The following ADGRF5 variants were observed in gnomAD, a reference collection of about 807,000 sequenced individuals.
ADGRF5 encodes the protein G-protein coupled receptor 116.
ADGRF5 carries 75 observed loss-of-function variants against 132.3 expected under a neutral mutation model. That is an observed-to-expected ratio of 0.57 (90% CI 0.47 to 0.69). The LOEUF is 0.69. Ranked by LOEUF, ADGRF5 falls within the 30% of genes least tolerant of loss-of-function variation. The pLI is 0.00. For missense variants in ADGRF5, 1,516 were observed against 1,630.6 expected, an observed-to-expected ratio of 0.93 and a Z score of 1.21; for synonymous variants, 629 against 597.6, an observed-to-expected ratio of 1.05 and a Z score of -0.77.
At chr6:46,879,052 T>C (rs1772148015) in intron 9 of ADGRF5, among the ~76,000 whole-genome samples, 2 of 152,174 alleles carry the variant, frequency 1.3e-5, no homozygotes, top group African/African-American at 4.8e-5. Flanking sequence ...ATTGTAGTAA[T>C]GATTTCACAG....
intron 1 of ADGRF5, among the ~76,000 whole-genome samples, chr6:46,915,240 G>C (rs1263147298): frequency 2.0e-5 from 3 of 151,988 alleles, no homozygotes; most frequent in Non-Finnish European, 4.4e-5. Context: ...TCACAGTTCT[G>C]TGGTTCTACC....
At chr6:46,950,538 CAG>C (rs1325983733) in intron 1 of ADGRF5, among the ~76,000 whole-genome samples, 1 of 152,126 alleles carries the variant, frequency 6.6e-6, no homozygotes, top group Non-Finnish European at 1.5e-5. Context: ...TGTTTTGAGA[CAG>C]AGTCTTGCCC....
intron 1 of ADGRF5, among the ~76,000 whole-genome samples, chr6:46,954,162 A>G (rs1287147983): frequency 6.6e-6 from 1 of 152,114 alleles, no homozygotes; most frequent in Non-Finnish European, 1.5e-5. Context: ...ATTGAATTTC[A>G]GGAAACCTCG....
At chr6:46,950,930 C>A (rs1367284329) in intron 1 of ADGRF5, among the ~76,000 whole-genome samples, 2 of 152,208 alleles carry the variant, frequency 1.3e-5, no homozygotes, top group African/African-American at 4.8e-5. Context: ...AAGATACAAT[C>A]ACTTGTTCAA....
chr6:46,941,387 C>CAAAGAAAAGA (rs766352637), intron 1 of ADGRF5, among the ~76,000 whole-genome samples: 1,288 of 83,068 alleles, frequency 0.016, 33 homozygotes, highest in Non-Finnish European at 0.018. Flanking sequence ...AAGAAAGAAA[C>CAAAGAAAAGA]AAAGAAAAGA....
chr6:46,857,000 T>C, intron 17 of ADGRF5, 92 bp from the exon 18 acceptor site: 1 of 963,448 alleles, frequency 1.0e-6, no homozygotes, highest in Non-Finnish European at 1.6e-6. Context: ...GTTAAATTTG[T>C]ACTACTTCTT....
At chr6:46,881,341 C>A in intron 8 of ADGRF5, 114 bp downstream of exon 8, 2 of 851,086 alleles carry the variant, frequency 2.3e-6, no homozygotes, top group Non-Finnish European at 3.8e-6. Flanking sequence ...ACAGAACCCC[C>A]TGTGCCAGGA....
chr6:46,911,567 C>A (rs919743390), intron 1 of ADGRF5, among the ~76,000 whole-genome samples: 1 of 152,206 alleles, frequency 6.6e-6, no homozygotes, highest in South Asian at 2.1e-4. Context: ...AGGCAAAGGG[C>A]TCCCTCACAG....
chr6:46,893,683 A>G (rs890554129), intron 3 of ADGRF5, among the ~76,000 whole-genome samples: 1 of 152,140 alleles, frequency 6.6e-6, no homozygotes, highest in Non-Finnish European at 1.5e-5. Context: ...AGGATGTCTG[A>G]ATCCTGATAG....
intron 1 of ADGRF5, among the ~76,000 whole-genome samples, chr6:46,943,338 T>C (rs934152741): frequency 1.3e-5 from 2 of 152,236 alleles, no homozygotes; most frequent in South Asian, 4.1e-4. Flanking sequence ...TTAAATCTTA[T>C]ACTTTTCCCA....
chr6:46,888,755 G>C (rs574910260), intron 3 of ADGRF5, among the ~76,000 whole-genome samples: 13 of 152,194 alleles, frequency 8.5e-5, no homozygotes, highest in Non-Finnish European at 1.5e-4. Flanking sequence ...AGAGAGAATA[G>C]CAGGGAGGGT....
intron 1 of ADGRF5, among the ~76,000 whole-genome samples, chr6:46,937,251 T>TGTGTGTGTGTGTGA (rs1491314702): frequency 2.1e-5 from 3 of 146,164 alleles, no homozygotes; most frequent in Non-Finnish European, 4.6e-5. Context: ...TGTGTGTGTG[T>TGTGTGTGTGTGTGA]GAGTGTGTGT....
chr6:46,888,622 A>C (rs1336190687), intron 3 of ADGRF5, 117 bp from the exon 4 acceptor site: 5 of 696,136 alleles, frequency 7.2e-6, no homozygotes, highest in African/African-American at 1.8e-5. Flanking sequence ...TTGGTCTATC[A>C]ACCCTTAGGA....
At position 46,858,841 on chromosome 6, in the gene ADGRF5, C is replaced by A. The variant is rs758353612; in HGVS notation, c.3062G>T (p.Gly1021Val). The A allele has an allele frequency of 2.5e-6, 4 of 1,613,982 alleles. No individual in the cohort carries two copies. The highest frequency in any genetic ancestry group is 3.4e-6 in the Non-Finnish European group (4 of 1,179,876). Reference protein sequence around the residue: ...LLDIISYVGVGFSILSLAACL... With the variant: ...LLDIISYVGVVFSILSLAACL... The stretch of plus-strand genomic sequence containing the variant: ...GGCTGCCAAGCTCAAGATGGAAAAG[C>A]CCACCCCAACATAAGAAATAATATC... Residue 1021 changes from glycine to valine, a missense_variant, in exon 17 of 21, where the codon GGC becomes GTC. Physicochemically the swap from Gly to Val is moderately radical, Grantham distance 109. Coordinates refer to ENST00000283296, the MANE Select transcript of ADGRF5 (RefSeq NM_001098518.2).
chr6:46,879,762 C>T (rs368242000), intron 9 of ADGRF5, 56 bp downstream of exon 9: 18 of 1,179,970 alleles, frequency 1.5e-5, no homozygotes, highest in African/African-American at 1.2e-4. Context: ...TACATATTTG[C>T]TTCTTTATAA....
chr6:46,947,753 G>T (rs1778351848), intron 1 of ADGRF5, among the ~76,000 whole-genome samples: 1 of 152,180 alleles, frequency 6.6e-6, no homozygotes, highest in Admixed American at 6.5e-5. Context: ...AACAATCCAT[G>T]AAGGCATTTT....
At chr6:46,875,480 G>A (rs1027859133) in intron 10 of ADGRF5, among the ~76,000 whole-genome samples, 10 of 152,254 alleles carry the variant, frequency 6.6e-5, no homozygotes, top group African/African-American at 2.4e-4. Context: ...GATGATAAAT[G>A]TAAACATTGA....
At position 46,883,583 on chromosome 6, in the gene ADGRF5, G is replaced by T; in HGVS notation, c.588C>A (p.Ser196=). Residue 196 remains serine, a synonymous_variant, in exon 6 of 21, where the codon TCC becomes TCA. Coordinates refer to ENST00000283296, the MANE Select transcript of ADGRF5 (RefSeq NM_001098518.2). ...CCGCTGTTTCCAAGTCGGTCTTGTAGGACCTATAGAGGGCGGAGGAAGTGT... is the reference window on the plus strand; with the variant it reads ...CCGCTGTTTCCAAGTCGGTCTTGTATGACCTATAGAGGGCGGAGGAAGTGT... ...LMNTSSALYR[S]YKTDLETAFR... is the part of the protein sequence containing the mutation. The T allele has an allele frequency of 6.2e-7, 1 of 1,606,818 alleles. No homozygotes were observed. Among genetic ancestry groups the T allele is most frequent in the South Asian group, 1.1e-5 (1 of 89,992 alleles).
chr6:46,899,145 C>T lies in ADGRF5; in HGVS notation c.157+884G>A, dbSNP rs78928948. Among the ~76,000 whole-genome samples the T allele has an allele frequency of 4.4e-3, 670 of 152,210 alleles. 7 individuals are homozygous for T. The highest frequency in any genetic ancestry group is 0.015 in the African/African-American group (640 of 41,534). ...TCTGGGGAATGGATGGAGGGCCTAA[C>T]AGGGCAAGAGTTCATAAGACTTGAG... is the stretch of plus-strand genomic sequence containing the variant. On this transcript the variant is annotated intron_variant, in intron 3 of 20. Coordinates refer to ENST00000283296, the MANE Select transcript of ADGRF5 (RefSeq NM_001098518.2).
Sources: gnomAD v4.1 joint callset for allele counts (sites outside exome capture counted in the v4.1 genomes callset) on GRCh38, gnomAD v4.1.1 for gene constraint, MANE v1.5 for transcripts, NCBI Gene and HGNC (gene_info 2026-07-23, HGNC 2026-07-21) for gene names.